The following PCLO variants were observed in gnomAD, a reference collection of about 807,000 sequenced individuals.
PCLO encodes protein piccolo.
In PCLO, 82 loss-of-function variants were observed where a neutral mutation model predicts 427.5. The ratio of observed to expected loss-of-function variants is 0.19; its 90% CI spans 0.16 to 0.23. The LOEUF (loss-of-function observed/expected upper bound fraction) is 0.23, where lower values mean the gene tolerates loss of function less well. Ranked by LOEUF, PCLO falls within the 10% of genes least tolerant of loss-of-function variation. The pLI is 1.00. For synonymous variants in PCLO, 2,357 were observed against 2,155.4 expected, an observed-to-expected ratio of 1.09 and a Z score of -2.59; for missense variants, 6,239 against 6,115.9, an observed-to-expected ratio of 1.02 and a Z score of -0.67.
chr7:82,918,192 T>C (rs1794512952), intron 6 of PCLO, among the ~76,000 whole-genome samples: 1 of 152,016 alleles, frequency 6.6e-6, no homozygotes, highest in South Asian at 2.1e-4. Context: ...TCCCAATGTA[T>C]ATGGAGTATT....
At chr7:82,974,216 A>G (rs1262091833) in intron 3 of PCLO, among the ~76,000 whole-genome samples, 2 of 152,080 alleles carry the variant, frequency 1.3e-5, no homozygotes, top group Non-Finnish European at 2.9e-5. Context: ...GTGAAACCCC[A>G]TTTCTACTGA....
chr7:82,947,594 T>A (rs946190203), intron 6 of PCLO, among the ~76,000 whole-genome samples: 1 of 152,154 alleles, frequency 6.6e-6, no homozygotes, highest in Non-Finnish European at 1.5e-5. Context: ...TACCTGTGCA[T>A]GTAATAAGAC....
chr7:83,145,964 C>T (rs1791984324), intron 2 of PCLO, among the ~76,000 whole-genome samples: 1 of 152,238 alleles, frequency 6.6e-6, no homozygotes, highest in African/African-American at 2.4e-5. Flanking sequence ...GGATGGCAGA[C>T]TTCAAAATAC....
chr7:82,801,398 C>T (rs2129468675), intron 22 of PCLO, 120 bp downstream of exon 22: 2 of 596,858 alleles, frequency 3.4e-6, no homozygotes, highest in South Asian at 4.4e-5. Context: ...TATCTTACTA[C>T]CTATTGCTTT....
chr7:82,769,815 A>G (rs974712950), intron 22 of PCLO, among the ~76,000 whole-genome samples: 7 of 152,152 alleles, frequency 4.6e-5, no homozygotes, highest in African/African-American at 1.7e-4. Flanking sequence ...ATGCATATTT[A>G]GCCATGACAG....
At chr7:82,821,601 T>G in intron 20 of PCLO, 1 of 967,020 alleles carries the variant, frequency 1.0e-6, no homozygotes, top group Non-Finnish European at 1.2e-6. Context: ...TATAATTATA[T>G]CAATCGACTA....
intron 6 of PCLO, among the ~76,000 whole-genome samples, chr7:82,939,713 T>C (rs1288594365): frequency 6.7e-6 from 1 of 148,210 alleles, no homozygotes; most frequent in East Asian, 1.9e-4. Flanking sequence ...ATATATATTA[T>C]ACATAAAATA....
At chr7:82,967,261 C>T (rs1482899471) in intron 3 of PCLO, among the ~76,000 whole-genome samples, 2 of 150,448 alleles carry the variant, frequency 1.3e-5, no homozygotes, top group Admixed American at 6.6e-5. Flanking sequence ...CTGCAACCTC[C>T]ACCTCCTGGG....
chr7:83,138,329 T>C (rs1165606464), intron 2 of PCLO, among the ~76,000 whole-genome samples: 1 of 152,214 alleles, frequency 6.6e-6, no homozygotes, highest in Non-Finnish European at 1.5e-5. Context: ...AAATATTTAT[T>C]GAGCACCTTC....
intron 7 of PCLO, among the ~76,000 whole-genome samples, chr7:82,913,383 TTCC>T (rs1398419814): frequency 6.6e-6 from 1 of 152,092 alleles, no homozygotes; most frequent in Non-Finnish European, 1.5e-5. Flanking sequence ...AATGTGTATT[TTCC>T]TGTGAGTCCT....
intron 10 of PCLO, among the ~76,000 whole-genome samples, chr7:82,854,424 C>T (rs562947370): frequency 9.9e-5 from 15 of 151,958 alleles, no homozygotes; most frequent in South Asian, 4.2e-4. Flanking sequence ...ACATGTGATA[C>T]GTCATAATCT....
In PCLO at chr7:82,915,578, T is replaced by C; in HGVS notation, c.12408A>G (p.Thr4136=). Residue 4136 remains threonine, a synonymous_variant, in exon 7 of 25, where the codon ACA becomes ACG. Transcript: ENST00000333891. ...GACCAGCAAGGTGATCTAAGCTCTC[T>C]GTCCCTCTACGAAATTCCTGTTTAA... ...HQIKQEFRRG[T]ESLDHLAGLS... 6.2e-7 allele frequency: 1 copy of C among 1,613,648 alleles called. No homozygotes were observed. Among genetic ancestry groups the C allele is most frequent in the Non-Finnish European group, 8.5e-7 (1 of 1,179,700 alleles).
intron 22 of PCLO, among the ~76,000 whole-genome samples, chr7:82,791,256 A>T (rs1233295926): frequency 1.5e-5 from 1 of 67,820 alleles, no homozygotes; most frequent in Non-Finnish European, 3.5e-5. Context: ...ATTAGAATGA[A>T]TATAAATAAT....
intron 3 of PCLO, among the ~76,000 whole-genome samples, chr7:83,043,834 A>G (rs1195353538): frequency 6.6e-6 from 1 of 151,984 alleles, no homozygotes; most frequent in Non-Finnish European, 1.5e-5. Context: ...TTCCAATTAT[A>G]GAAGAGAAAT....
At chr7:82,798,773 T>C (rs1183207116) in intron 22 of PCLO, among the ~76,000 whole-genome samples, 2 of 152,196 alleles carry the variant, frequency 1.3e-5, no homozygotes, top group Non-Finnish European at 2.9e-5. Context: ...TTGTCAAATG[T>C]TAATAGCAAC....
Position 83,154,763 on chromosome 7 carries a change from A to G in PCLO, c.1878T>C (p.Asn626=). The change falls in exon 2 of 25, where the codon AAT becomes AAC. Residue 626 remains asparagine, a synonymous_variant. Transcript: ENST00000333891. ...TVCSLCGFNP[N]PHLTEVKEWL... Reference sequence around the variant, plus strand: ...ATGCACTTACCTCCGTTAAATGAGGATTGGGATTAAAACCACAGAGACTAC... The same window carrying G: ...ATGCACTTACCTCCGTTAAATGAGGGTTGGGATTAAAACCACAGAGACTAC... The G allele has an allele frequency of 6.2e-7, 1 of 1,613,484 alleles. No individual in the cohort carries two copies. Among genetic ancestry groups the G allele is most frequent in the Non-Finnish European group, 8.5e-7 (1 of 1,179,434 alleles).
At chr7:83,069,009 T>C (rs1789740063) in intron 3 of PCLO, among the ~76,000 whole-genome samples, 1 of 152,122 alleles carries the variant, frequency 6.6e-6, no homozygotes, top group Non-Finnish European at 1.5e-5. Flanking sequence ...AATTTAAAAA[T>C]TAAACTCATA....
chr7:82,815,217 T>C (rs945467764), intron 20 of PCLO, among the ~76,000 whole-genome samples: 1 of 152,000 alleles, frequency 6.6e-6, no homozygotes, highest in Admixed American at 6.6e-5. Context: ...AGAAAATAAC[T>C]ATGTTATTGT....
intron 9 of PCLO, among the ~76,000 whole-genome samples, chr7:82,889,006 A>T (rs1334324861): frequency 6.6e-6 from 1 of 150,426 alleles, no homozygotes; most frequent in Non-Finnish European, 1.5e-5. Flanking sequence ...TTGCCAAACA[A>T]TCCTCTTTAT....
Sources: allele counts gnomAD v4.1 joint callset (sites outside exome capture counted in the v4.1 genomes callset), GRCh38; gene constraint gnomAD v4.1.1; transcripts MANE v1.5; gene names NCBI Gene and HGNC (gene_info 2026-07-23, HGNC 2026-07-21).